The following SPATA17 variants were observed in gnomAD, a reference collection of about 807,000 sequenced individuals.
SPATA17 encodes spermatogenesis associated 17, also known as spermatogenesis-associated protein 17.
A neutral mutation model predicts 62.2 loss-of-function variants in SPATA17; 53 were observed. The ratio of observed to expected loss-of-function variants is 0.85; its 90% confidence interval spans 0.68 to 1.07. The LOEUF is 1.07. SPATA17 is among the 50% of genes least tolerant of loss of function. SPATA17 has a pLI of 0.00. For missense variants in SPATA17, 466 were observed against 425.5 expected, an observed-to-expected ratio of 1.10 and a Z score of -0.84; for synonymous variants, 146 against 146.8, an observed-to-expected ratio of 0.99 and a Z score of 0.04.
chr1:217,850,257 G>T, intron 9 of SPATA17: 67 of 269,832 alleles, frequency 2.5e-4, no homozygotes, highest in Middle Eastern at 1.4e-3. Flanking sequence ...TTTCTTTAAT[G>T]CTACCATGCA....
At chr1:217,813,031 A>G (rs1674631769) in intron 9 of SPATA17, among the ~76,000 whole-genome samples, 1 of 152,256 alleles carries the variant, frequency 6.6e-6, no homozygotes, top group South Asian at 2.1e-4. Flanking sequence ...GGTCCTAAAC[A>G]GGATTTTATA....
chr1:217,698,028 G>C (rs1377838816), intron 5 of SPATA17, among the ~76,000 whole-genome samples: 10 of 152,044 alleles, frequency 6.6e-5, no homozygotes, highest in Admixed American at 6.6e-4. Context: ...AGGAGTGGTG[G>C]CTCACGCCTG....
chr1:217,803,708 T>C (rs993536469), intron 9 of SPATA17, among the ~76,000 whole-genome samples: 14 of 152,176 alleles, frequency 9.2e-5, no homozygotes, highest in Admixed American at 2.0e-4. Flanking sequence ...CAATGTCATT[T>C]TTCACAGAAA....
intron 9 of SPATA17, among the ~76,000 whole-genome samples, chr1:217,855,588 C>A (rs976306933): frequency 6.6e-6 from 1 of 151,976 alleles, no homozygotes; most frequent in Admixed American, 6.6e-5. Context: ...ACATATGCCA[C>A]TGAATACAAT....
chr1:217,862,739 A>T (rs1365211078), intron 9 of SPATA17, 35 bp from the exon 10 acceptor site: 1 of 1,391,526 alleles, frequency 7.2e-7, no homozygotes, highest in Non-Finnish European at 1.0e-6. Context: ...AATCATGAAG[A>T]TCTCTGTGGT....
In SPATA17 at chr1:217,789,956, GA is replaced by G. The variant is rs1194374256; in HGVS notation, c.872+7636del. ...GGAGGCTGAGGCACAAGAATCGCTT[GA>G]ATCTGAGAGGCGGAGGTGGCAGTGA... On this transcript the variant is annotated intron_variant, in intron 8 of 10. Transcript: ENST00000366933. 2.0e-5 allele frequency among the ~76,000 whole-genome samples: 3 copies of G among 152,286 alleles called. No individual in the cohort carries two copies. In the East Asian group the frequency reaches 5.8e-4, roughly 30 times the overall value.
At position 217,862,824 on chromosome 1, in the gene SPATA17, A is replaced by G. The variant is rs142209164; in HGVS notation, c.1056A>G (p.Lys352=). The G allele has an allele frequency of 2.7e-4, 430 of 1,610,214 alleles. No individual in the cohort carries two copies. In the African/African-American group the frequency reaches 5.2e-3, roughly 20 times the overall value. Residue 352 remains lysine (K), a synonymous_variant, in exon 10 of 11, where the codon AAA becomes AAG. Transcript: ENST00000366933. ...TTGAGCTCTTCTCAAAGTATGGAAA[A>G]TTATATTCAAAAGCTGGACAGATTG... The part of the protein sequence containing the change: ...PSFELFSKYG[K]LYSKAGQIV
At chr1:217,839,468 G>A (rs1385624425) in intron 9 of SPATA17, among the ~76,000 whole-genome samples, 4 of 151,964 alleles carry the variant, frequency 2.6e-5, no homozygotes, top group Admixed American at 2.0e-4. Context: ...GCTTCTGCCC[G>A]GTGCTTGGCA....
At chr1:217,759,383 C>T (rs555263740) in intron 6 of SPATA17, among the ~76,000 whole-genome samples, 3 of 151,972 alleles carry the variant, frequency 2.0e-5, no homozygotes, top group Admixed American at 6.5e-5. Context: ...CATTTGAACC[C>T]GGGAGGCGGA....
At chr1:217,856,985 T>G (rs1228990653) in intron 9 of SPATA17, among the ~76,000 whole-genome samples, 1 of 152,190 alleles carries the variant, frequency 6.6e-6, no homozygotes, top group Non-Finnish European at 1.5e-5. Flanking sequence ...AAAATAGTAT[T>G]TATACGTAGC....
chr1:217,677,604 G>T (rs914581622), intron 4 of SPATA17, among the ~76,000 whole-genome samples: 4 of 152,038 alleles, frequency 2.6e-5, no homozygotes, highest in Admixed American at 6.6e-5. Context: ...TCAGCCTATG[G>T]AAGAAAAGAA....
intron 6 of SPATA17, among the ~76,000 whole-genome samples, chr1:217,748,618 G>C (rs967916251): frequency 6.6e-6 from 1 of 151,038 alleles, no homozygotes; most frequent in African/African-American, 2.4e-5. Context: ...GGTGGCGGGC[G>C]CCTGTAATCC....
intron 5 of SPATA17, among the ~76,000 whole-genome samples, chr1:217,717,471 C>A (rs895431712): frequency 1.3e-5 from 2 of 151,846 alleles, no homozygotes; most frequent in Non-Finnish European, 1.5e-5. Context: ...AATTAGCTGG[C>A]GAGGTGGTGG....
intron 8 of SPATA17, among the ~76,000 whole-genome samples, chr1:217,790,540 A>T (rs952944812): frequency 6.6e-5 from 10 of 152,150 alleles, no homozygotes; most frequent in Non-Finnish European, 1.5e-4. Context: ...TCCCGGGTTC[A>T]CGCCATTCTC....
chr1:217,830,080 T>G (rs1417958170), intron 9 of SPATA17, among the ~76,000 whole-genome samples: 1 of 152,132 alleles, frequency 6.6e-6, no homozygotes, highest in Non-Finnish European at 1.5e-5. Context: ...ATATTGATAT[T>G]TAAATCTATA....
intron 3 of SPATA17, among the ~76,000 whole-genome samples, chr1:217,668,789 A>G (rs563193243): frequency 1.3e-5 from 2 of 152,320 alleles, no homozygotes; most frequent in South Asian, 2.1e-4. Flanking sequence ...AACTCAGCAG[A>G]GAGCATTTTA....
At chr1:217,642,837 G>T (rs1472185029) in intron 1 of SPATA17, among the ~76,000 whole-genome samples, 1 of 152,126 alleles carries the variant, frequency 6.6e-6, no homozygotes, top group Admixed American at 6.5e-5. Flanking sequence ...TTGATAAGGA[G>T]GTTTATTTAT....
chr1:217,766,576 G>A (rs10863346), intron 6 of SPATA17, among the ~76,000 whole-genome samples: 2 of 151,378 alleles, frequency 1.3e-5, no homozygotes, highest in African/African-American at 2.4e-5. Context: ...ATACCTTGAC[G>A]CTATTATTTT....
intron 4 of SPATA17, among the ~76,000 whole-genome samples, chr1:217,682,060 G>A (rs1193717336): frequency 2.0e-5 from 3 of 151,992 alleles, no homozygotes; most frequent in Non-Finnish European, 2.9e-5. Context: ...ATATTTAAAC[G>A]GTTGGAAAAT....
Sources: allele counts gnomAD v4.1 joint callset (sites outside exome capture counted in the v4.1 genomes callset), GRCh38; gene constraint gnomAD v4.1.1; transcripts MANE v1.5; gene names NCBI Gene and HGNC (gene_info 2026-07-23, HGNC 2026-07-21).